The following ARHGEF9 variants were observed in gnomAD, a reference collection of about 807,000 sequenced individuals.
The protein encoded by ARHGEF9 is Cdc42 guanine nucleotide exchange factor 9, also known as rho guanine nucleotide exchange factor 9.
Under a neutral mutation model 41.3 loss-of-function variants are expected in ARHGEF9, and 2 were observed. That is an observed-to-expected ratio of 0.05 (90% CI 0.02 to 0.15). ARHGEF9 has a LOEUF of 0.15. Ranked by LOEUF, ARHGEF9 falls within the 10% of genes least tolerant of loss-of-function variation. ARHGEF9 has a pLI of 1.00. For missense variants in ARHGEF9, 225 were observed against 424.7 expected (o/e 0.53, Z 4.13); for synonymous variants, 160 against 154.4 (o/e 1.04, Z -0.27).
intron 9 of ARHGEF9, chrX:63,642,878 T>C (rs1398725177): frequency 9.0e-6 from 1 of 111,357 alleles, no homozygotes; most frequent in African/African-American, 3.3e-5. Context: ...AAAACCAAAC[T>C]CTTCTTTCCA....
intron 8 of ARHGEF9, among the ~76,000 whole-genome samples, chrX:63,648,637 C>A (rs1414760391): frequency 9.0e-6 from 1 of 111,495 alleles, no homozygotes; most frequent in Non-Finnish European, 1.9e-5. Flanking sequence ...AATGCTCCAA[C>A]TAAAAGACAC....
intron 3 of ARHGEF9, among the ~76,000 whole-genome samples, chrX:63,705,089 A>T (rs1188184864): frequency 8.9e-6 from 1 of 112,449 alleles, no homozygotes; most frequent in East Asian, 2.8e-4. Context: ...CCACATTTTA[A>T]CTCTTCAACA....
intron 1 of ARHGEF9, among the ~76,000 whole-genome samples, chrX:63,743,175 C>G (rs1416313921): frequency 9.5e-6 from 1 of 105,286 alleles, no homozygotes; most frequent in African/African-American, 3.5e-5. Context: ...TGCACTCCAG[C>G]CTGGGAGACA....
chrX:63,691,954 G>C (rs2051380370), intron 4 of ARHGEF9, among the ~76,000 whole-genome samples: 1 of 111,702 alleles, frequency 9.0e-6, no homozygotes, highest in South Asian at 3.8e-4. Flanking sequence ...ACATATTGGA[G>C]AAAGGACAGC....
At chrX:63,732,891 C>T in intron 1 of ARHGEF9, among the ~76,000 whole-genome samples, 1 of 111,712 alleles carries the variant, frequency 9.0e-6, no homozygotes, top group East Asian at 2.8e-4. Context: ...GACACTGGGG[C>T]CAGGCTGCTT....
chrX:63,742,623 C>A (rs1365288323), intron 1 of ARHGEF9, among the ~76,000 whole-genome samples: 22 of 111,864 alleles, frequency 2.0e-4, no homozygotes, highest in African/African-American at 6.8e-4. Flanking sequence ...TCTTCCCCAT[C>A]CTTTGGGATG....
At position 63,769,290 on chromosome X, in the gene ARHGEF9, TA is replaced by T. The variant is rs554674478; in HGVS notation, c.30+15825del. On this transcript the variant is annotated intron_variant, in intron 1 of 9. Coordinates refer to ENST00000671741, the MANE Select transcript of ARHGEF9 (RefSeq NM_001353921.2). Reference sequence around the variant, plus strand: ...CCCTAGAAATTTGTGAAACTAAACTTAAAAAAAAAAATTTAGGGTATCAGGT... The same window carrying T: ...CCCTAGAAATTTGTGAAACTAAACTTAAAAAAAAAATTTAGGGTATCAGGT... Among the ~76,000 whole-genome samples the T allele has an allele frequency of 9.1e-3, 969 of 106,203 alleles. 2 individuals carry two copies. The highest frequency in any genetic ancestry group is 0.028 in the South Asian group (69 of 2,500). The allele number at this position is 106,203 out of a possible 115,157, so 92.2% of individuals were successfully genotyped here.
intron 1 of ARHGEF9, among the ~76,000 whole-genome samples, chrX:63,752,032 T>C (rs2055672021): frequency 9.0e-6 from 1 of 111,682 alleles, no homozygotes; most frequent in Admixed American, 9.4e-5. Flanking sequence ...TCAAAAAGCA[T>C]TCCCTTATTG....
intron 8 of ARHGEF9, among the ~76,000 whole-genome samples, chrX:63,651,213 T>A (rs1469629332): frequency 9.0e-6 from 1 of 111,294 alleles, no homozygotes; most frequent in African/African-American, 3.2e-5. Context: ...GGCAGTGTTT[T>A]TAAACCTAGA....
chrX:63,704,074 A>G (rs782041926), intron 3 of ARHGEF9, among the ~76,000 whole-genome samples: 1 of 111,940 alleles, frequency 8.9e-6, no homozygotes, highest in African/African-American at 3.2e-5. Context: ...CCTGTAAACA[A>G]TAATAACTTT....
At chrX:63,642,015 C>T (rs2047667530) in intron 9 of ARHGEF9, 3 of 113,139 alleles carry the variant, frequency 2.7e-5, no homozygotes, top group Non-Finnish European at 5.5e-5. Flanking sequence ...GACTTCCTTG[C>T]TCCTCAGCTT....
chrX:63,716,952 C>T (rs1299301513), intron 2 of ARHGEF9, among the ~76,000 whole-genome samples: 6 of 112,125 alleles, frequency 5.4e-5, no homozygotes, highest in South Asian at 7.4e-4. Flanking sequence ...ATTAAATGTA[C>T]GCTTAACAGT....
chrX:63,648,536 C>A (rs1480716614), intron 8 of ARHGEF9, among the ~76,000 whole-genome samples: 2 of 111,446 alleles, frequency 1.8e-5, no homozygotes, highest in African/African-American at 3.3e-5. Flanking sequence ...GAAGAAACTG[C>A]ATCAACTAAC....
intron 1 of ARHGEF9, among the ~76,000 whole-genome samples, chrX:63,756,595 G>A (rs1416301038): frequency 8.9e-6 from 1 of 112,554 alleles, no homozygotes; most frequent in Non-Finnish European, 1.9e-5. Flanking sequence ...TCCATTTATA[G>A]AAAATGTTCA....
intron 4 of ARHGEF9, among the ~76,000 whole-genome samples, chrX:63,689,625 A>C (rs73526829): frequency 1.9e-3 from 210 of 112,354 alleles, no homozygotes; most frequent in African/African-American, 6.5e-3. Flanking sequence ...ACTGGATTTC[A>C]GTTGTACTAT....
chrX:63,702,362 C>A (rs1556396600), intron 3 of ARHGEF9, among the ~76,000 whole-genome samples: 1 of 112,127 alleles, frequency 8.9e-6, no homozygotes, highest in Non-Finnish European at 1.9e-5. Context: ...TCAAGGTGAT[C>A]TAGAACTAAA....
In ARHGEF9 at chrX:63,666,453, T is replaced by TACAGAC. The variant is rs1556348917; in HGVS notation, c.946-437_946-436insGTCTGT. Among the ~76,000 whole-genome samples the TACAGAC allele has an allele frequency of 2.0e-4, 16 of 81,262 alleles. No individual in the cohort carries two copies. In the Admixed American group the frequency reaches 2.1e-3, roughly 11 times the overall value. The allele number at this position is 81,262 out of a possible 115,157, so 70.6% of individuals were successfully genotyped here. ...ACACATACACACATATATATATACA[T>TACAGAC]ACACACACACACACACACACACACA... is the stretch of plus-strand genomic sequence containing the variant. On this transcript the variant is annotated intron_variant, in intron 6 of 9. Coordinates refer to ENST00000671741, the MANE Select transcript of ARHGEF9 (RefSeq NM_001353921.2).
At chrX:63,767,504 G>C in intron 1 of ARHGEF9, 1 of 246,755 alleles carries the variant, frequency 4.1e-6, no homozygotes, top group Non-Finnish European at 7.4e-6. Context: ...TTCAGTTTTT[G>C]CTTATAAACA....
intron 1 of ARHGEF9, chrX:63,725,781 G>C (rs1359818249): frequency 8.9e-6 from 1 of 112,056 alleles, no homozygotes; most frequent in Non-Finnish European, 1.9e-5. Context: ...AGAACACATG[G>C]CCTATCAGGC....
Sources: allele counts gnomAD v4.1 joint callset (sites outside exome capture counted in the v4.1 genomes callset), GRCh38; gene constraint gnomAD v4.1.1; transcripts MANE v1.5; gene names NCBI Gene and HGNC (gene_info 2026-07-23, HGNC 2026-07-21).